ZBTB44: variants seen among roughly 807,000 people sequenced by gnomAD.
The protein encoded by ZBTB44 is zinc finger and BTB domain-containing protein 44.
A neutral mutation model predicts 54.0 loss-of-function variants in ZBTB44; 15 were observed. The observed-to-expected ratio is 0.28, with a 90% CI of 0.19 to 0.43. The LOEUF (loss-of-function observed/expected upper bound fraction) is 0.43. ZBTB44 is among the 20% of genes least tolerant of loss of function. The probability of loss-of-function intolerance (pLI) is 1.00; values close to 1 mark genes in which losing one functional copy is unlikely to be tolerated. For synonymous variants in ZBTB44, 230 were observed against 250.1 expected (o/e 0.92, Z 0.76); for missense variants, 487 against 707.1 (o/e 0.69, Z 3.53).
intron 5 of ZBTB44, 32 bp downstream of exon 5, chr11:130,236,761 T>C: frequency 7.6e-7 from 1 of 1,323,442 alleles, no homozygotes; most frequent in Non-Finnish European, 9.6e-7. Flanking sequence ...AGAAAGCAGT[T>C]TTCCTGGTTG....
chr11:130,230,803 A>C lies in ZBTB44; in HGVS notation c.*961T>G, dbSNP rs1953850081. On this transcript the variant is annotated 3_prime_UTR_variant, in exon 8 of 8. Transcript: ENST00000357899. ...TGACATGTTTGATGCTTCCACTATT[A>C]GAATATACCCTTTAAACACGAAAAG... 1 of 152,118 alleles carries C rather than the reference A, an allele frequency of 6.6e-6. No individual in the cohort carries two copies. 9.4% of individuals were successfully genotyped at this position (152,118 alleles called of 1,614,324 possible). A position where few individuals can be genotyped will look rare whatever the true frequency, so the allele number is the denominator to read the frequency against.
chr11:130,295,537 T>C (rs568204097), intron 1 of ZBTB44: 60 of 707,052 alleles, frequency 8.5e-5, no homozygotes, highest in South Asian at 8.0e-4. Context: ...AAGATGACAG[T>C]GAGGTGCCCA....
In ZBTB44 at chr11:130,227,478, G is replaced by A. The variant is rs1009748518; in HGVS notation, c.*4286C>T. ...CCTTCCCTTGAGAGTTTCACAAAAT[G>A]CCAGTGCCCAGAAAGAATCACAATG... On this transcript the variant is annotated 3_prime_UTR_variant, in exon 8 of 8. Transcript: ENST00000357899. 5.3e-5 allele frequency: 8 copies of A among 152,136 alleles called. No individual in the cohort carries two copies. The highest frequency in any genetic ancestry group is 1.5e-5 in the Non-Finnish European group (1 of 68,034). 9.4% of individuals were successfully genotyped at this position (152,136 alleles called of 1,614,324 possible). A position where few individuals can be genotyped will look rare whatever the true frequency, so the allele number is the denominator to read the frequency against.
At chr11:130,313,181 A>G (rs917463684) in intron 1 of ZBTB44, among the ~76,000 whole-genome samples, 2 of 152,316 alleles carry the variant, frequency 1.3e-5, no homozygotes, top group South Asian at 4.1e-4. Flanking sequence ...AATCTAAACT[A>G]TCTTACTAGT....
intron 2 of ZBTB44, among the ~76,000 whole-genome samples, chr11:130,259,734 A>G (rs1277356196): frequency 6.6e-6 from 1 of 151,778 alleles, no homozygotes; most frequent in Non-Finnish European, 1.5e-5. Context: ...GTTCTTACTA[A>G]TAAGTGGGAG....
At chr11:130,289,210 C>T (rs906832832) in intron 1 of ZBTB44, among the ~76,000 whole-genome samples, 2 of 151,946 alleles carry the variant, frequency 1.3e-5, no homozygotes, top group Non-Finnish European at 2.9e-5. Context: ...TGGCTGGGTG[C>T]GGTGGCTCAC....
intron 2 of ZBTB44, among the ~76,000 whole-genome samples, chr11:130,251,045 T>C (rs1203225840): frequency 6.6e-6 from 1 of 152,084 alleles, no homozygotes; most frequent in Non-Finnish European, 1.5e-5. Flanking sequence ...CTAAGAACCT[T>C]GACAAAAGGT....
chr11:130,293,258 T>TC (rs1941409778), intron 1 of ZBTB44, among the ~76,000 whole-genome samples: 1 of 150,206 alleles, frequency 6.7e-6, no homozygotes, highest in Admixed American at 6.6e-5. Context: ...GCCTAGGAGT[T>TC]CAAGACCAGC....
At chr11:130,312,733 T>A (rs1942684759) in intron 1 of ZBTB44, among the ~76,000 whole-genome samples, 1 of 152,100 alleles carries the variant, frequency 6.6e-6, no homozygotes, top group Non-Finnish European at 1.5e-5. Flanking sequence ...AATCAATGCA[T>A]GAATCTTGAC....
chr11:130,285,970 G>GAAC (rs141170301), intron 1 of ZBTB44: 9,741 of 152,236 alleles, frequency 0.064, 739 homozygotes, highest in African/African-American at 0.18. Context: ...TTCTATAAAG[G>GAAC]AACTGTTCTT....
At chr11:130,271,642 G>A (rs1219286954) in intron 1 of ZBTB44, among the ~76,000 whole-genome samples, 1 of 152,080 alleles carries the variant, frequency 6.6e-6, no homozygotes, top group Non-Finnish European at 1.5e-5. Flanking sequence ...TTAGTATAAT[G>A]TTCTACCATG....
chr11:130,311,358 A>AATTTTTTAG (rs1942591028), intron 1 of ZBTB44, among the ~76,000 whole-genome samples: 2 of 151,930 alleles, frequency 1.3e-5, no homozygotes, highest in Non-Finnish European at 2.9e-5. Flanking sequence ...ACAGGCACAC[A>AATTTTTTAG]CCACCACGCC....
At chr11:130,237,125 A>C in intron 4 of ZBTB44, 32 bp from the exon 5 acceptor site, 1 of 1,453,210 alleles carries the variant, frequency 6.9e-7, no homozygotes, top group Non-Finnish European at 9.1e-7. Flanking sequence ...ATATCTAAAA[A>C]CAAAAATAAA....
intron 1 of ZBTB44, among the ~76,000 whole-genome samples, chr11:130,294,338 G>T (rs113920286): frequency 0.012 from 1,842 of 151,920 alleles, 41 homozygotes; most frequent in African/African-American, 0.042. Flanking sequence ...CTTGAACCTG[G>T]GGGGCAGAAG....
intron 2 of ZBTB44, among the ~76,000 whole-genome samples, chr11:130,255,916 A>C (rs974489171): frequency 5.3e-5 from 8 of 150,066 alleles, no homozygotes; most frequent in Non-Finnish European, 1.2e-4. Flanking sequence ...AAAAAAAAAA[A>C]AAAAACACCC....
At chr11:130,263,208 T>C (rs190362300) in intron 1 of ZBTB44, among the ~76,000 whole-genome samples, 44 of 152,320 alleles carry the variant, frequency 2.9e-4, no homozygotes, top group African/African-American at 1.0e-3. Flanking sequence ...ATCTTGACCA[T>C]AATTAGTAAC....
At chr11:130,242,888 C>T (rs531429458) in intron 2 of ZBTB44, among the ~76,000 whole-genome samples, 11 of 152,296 alleles carry the variant, frequency 7.2e-5, no homozygotes, top group Non-Finnish European at 1.5e-4. Context: ...TCTTCCGCAC[C>T]CTTCTCCTCT....
chr11:130,287,204 C>T (rs972357673), intron 1 of ZBTB44, among the ~76,000 whole-genome samples: 1 of 152,126 alleles, frequency 6.6e-6, no homozygotes, highest in African/African-American at 2.4e-5. Flanking sequence ...ATTTTTGATT[C>T]TCCATGCCCC....
chr11:130,231,756 C>T (rs977580842), intron 7 of ZBTB44, 41 bp from the exon 8 acceptor site: 5 of 152,132 alleles, frequency 3.3e-5, no homozygotes, highest in African/African-American at 1.2e-4. Context: ...TTTACCTATT[C>T]TTGTCAATAC....
Sources: gnomAD v4.1 joint callset for allele counts (sites outside exome capture counted in the v4.1 genomes callset) on GRCh38, gnomAD v4.1.1 for gene constraint, MANE v1.5 for transcripts, NCBI Gene and HGNC (gene_info 2026-07-23, HGNC 2026-07-21) for gene names.